Variants in CD109 observed in about 807,000 individuals in gnomAD.
CD109 encodes CD109 molecule, also known as CD109 antigen.
CD109 carries 149 observed loss-of-function variants against 165.8 expected under a neutral mutation model. The ratio of observed to expected loss-of-function variants is 0.90; its 90% CI spans 0.79 to 1.03. The LOEUF (loss-of-function observed/expected upper bound fraction) is 1.03, where lower values mean the gene tolerates loss of function less well. CD109 is among the 50% of genes least tolerant of loss of function. CD109 has a pLI of 0.00. For synonymous variants in CD109, 585 were observed against 592.1 expected (o/e 0.99, Z 0.18); for missense variants, 1,712 against 1,677.8 (o/e 1.02, Z -0.36).
intron 11 of CD109, 134 bp from the exon 12 acceptor site, chr6:73,766,625 T>C (rs1346422383): frequency 3.2e-6 from 2 of 629,566 alleles, no homozygotes; most frequent in South Asian, 2.0e-5. Context: ...ATCCAATGTC[T>C]GGTGAATGTA....
In CD109 at chr6:73,815,215, G is replaced by A; in HGVS notation, c.3911+92G>A. 4 of 1,060,006 alleles carry A rather than the reference G, an allele frequency of 3.8e-6. No individual in the cohort carries two copies. The South Asian group carries it at 7.2e-5, about 19-fold the overall frequency. The allele number at this position is 1,060,006 out of a possible 1,614,324, so 65.7% of individuals were successfully genotyped here. A position where few individuals can be genotyped will look rare whatever the true frequency, so the allele number is the denominator to read the frequency against. On this transcript the variant is annotated intron_variant, in intron 30 of 32. Coordinates refer to ENST00000287097, the MANE Select transcript of CD109 (RefSeq NM_133493.5). ...TATAGTTGTCTATATCAATCTAAGA[G>A]TTATATTGAACAAAGAATTCAGTTA...
At position 73,765,936 on chromosome 6, in the gene CD109, G is replaced by C. The variant is rs762857806; in HGVS notation, c.1114G>C (p.Val372Leu). 1 of 1,611,254 alleles carries C rather than the reference G, an allele frequency of 6.2e-7. No homozygotes were observed. The highest frequency in any genetic ancestry group is 1.1e-5 in the South Asian group (1 of 90,784). ...PSLNFTATVKVTRADGNQLTL... is the reference protein window; with the variant it reads ...PSLNFTATVKLTRADGNQLTL... Reference sequence around the variant, plus strand: ...GTTTTGTTTTGACCATTAGGTGAAGGTAACTCGTGCTGATGGCAACCAACT... The same window carrying C: ...GTTTTGTTTTGACCATTAGGTGAAGCTAACTCGTGCTGATGGCAACCAACT... Residue 372 changes from valine (V) to leucine (L), a missense_variant, in exon 11 of 33, where the codon GTA (valine) becomes CTA (leucine). Val to Leu is a conservative substitution (Grantham distance 32). Transcript: ENST00000287097.
At chr6:73,820,352 C>A in intron 31 of CD109, 109 bp from the exon 32 acceptor site, 1 of 591,804 alleles carries the variant, frequency 1.7e-6, no homozygotes, top group Non-Finnish European at 3.0e-6. Flanking sequence ...AGAAATCCTC[C>A]CTAAGTGTTA....
In CD109 at chr6:73,768,038, T is replaced by C. The variant is rs761162813; in HGVS notation, c.1498-17T>C. The C allele has an allele frequency of 6.2e-7, 1 of 1,604,924 alleles. No individual in the cohort carries two copies. The highest frequency in any genetic ancestry group is 8.5e-7 in the Non-Finnish European group (1 of 1,173,650). ...TAGGTTTGGCAATAAATTAAACCCA[T>C]CTACTGTTCTTTTCAGGTAGTATCC... On this transcript the variant is annotated splice_polypyrimidine_tract_variant and intron_variant, in intron 13 of 32. Transcript: ENST00000287097.
At chr6:73,798,110 G>GTTTTTTT (rs57382539) in intron 23 of CD109, among the ~76,000 whole-genome samples, 13 of 142,514 alleles carry the variant, frequency 9.1e-5, no homozygotes, top group Non-Finnish European at 4.5e-5. Context: ...TCAGTGTCCT[G>GTTTTTTT]TTTTTTTTTT....
At chr6:73,814,739 T>C (rs1193007346) in intron 29 of CD109, among the ~76,000 whole-genome samples, 3 of 152,192 alleles carry the variant, frequency 2.0e-5, no homozygotes, top group African/African-American at 7.2e-5. Flanking sequence ...TAGTGTTTTA[T>C]TGTACTTGTT....
chr6:73,808,062 A>G lies in CD109; in HGVS notation c.3190-21A>G, dbSNP rs1371965468. 6 of 1,609,088 alleles carry G rather than the reference A, an allele frequency of 3.7e-6. No individual in the cohort carries two copies. The South Asian group carries it at 6.6e-5, about 18-fold the overall frequency. Reference sequence around the variant, plus strand: ...AATGGGTTACTCTGAATAGTAAAAAACATACTTTTTTTCTTCCAAGCCTAA... The same window carrying G: ...AATGGGTTACTCTGAATAGTAAAAAGCATACTTTTTTTCTTCCAAGCCTAA... On this transcript the variant is annotated intron_variant, in intron 25 of 32. Coordinates refer to ENST00000287097, the MANE Select transcript of CD109 (RefSeq NM_133493.5).
rs750794050 is a variant in CD109 at position 73,802,255 on chromosome 6, A to ATGTG, written c.2879-964_2879-963insGTGT. Reference sequence around the variant, plus strand: ...TTCATTGCCACCACTGAGCATGTGTATATGTGTGTGTGTGTGTGTGTGTGT... The same window carrying ATGTG: ...TTCATTGCCACCACTGAGCATGTGTATGTGTATGTGTGTGTGTGTGTGTGTGTGT... On this transcript the variant is annotated intron_variant, in intron 23 of 32. Transcript: ENST00000287097. Among the ~76,000 whole-genome samples the ATGTG allele has an allele frequency of 3.3e-3, 384 of 118,002 alleles. 5 individuals are homozygous for ATGTG. The highest frequency in any genetic ancestry group is 0.012 in the African/African-American group (335 of 28,004). The allele number at this position is 118,002 out of a possible 152,430, so 77.4% of individuals were successfully genotyped here. A position where few individuals can be genotyped will look rare whatever the true frequency, so the allele number is the denominator to read the frequency against.
At chr6:73,689,688 CTT>C in the CD109 span, among the ~76,000 whole-genome samples, 77 of 152,100 alleles carry the variant, frequency 5.1e-4, no homozygotes, top group African/African-American at 1.8e-3. Context: ...CTTCATCCCT[CTT>C]TGACTTTGTA....
chr6:73,784,934 G>T (rs1332180045), intron 19 of CD109, among the ~76,000 whole-genome samples: 2 of 152,198 alleles, frequency 1.3e-5, no homozygotes, highest in Non-Finnish European at 2.9e-5. Flanking sequence ...AGTCAATACA[G>T]CATGAAAGAA....
chr6:73,697,722 A>G (rs1339257003), intron 2 of CD109, 150 bp downstream of exon 2: 1 of 590,682 alleles, frequency 1.7e-6, no homozygotes, highest in Non-Finnish European at 2.8e-6. Context: ...AAAGTCCTAG[A>G]TGGTGTTCCT....
At chr6:73,782,505 A>T in intron 17 of CD109, 109 bp from the exon 18 acceptor site, 1 of 1,058,060 alleles carries the variant, frequency 9.5e-7, no homozygotes, top group Non-Finnish European at 1.4e-6. Context: ...TCACTGGCAC[A>T]TTATGTCTCT....
intron 5 of CD109, among the ~76,000 whole-genome samples, chr6:73,737,364 C>T (rs1772584890): frequency 6.6e-6 from 1 of 152,176 alleles, no homozygotes; most frequent in Non-Finnish European, 1.5e-5. Flanking sequence ...GCTGGAGGCA[C>T]AATGGACTCT....
rs145202540 is a variant in CD109, at chr6:73,781,136, C to T, written c.1903-123C>T. ...GAGACAGAAAGGTTGAATGTATGTG[C>T]ATGTGTATACCTAAGCTCTCAAAAA... On this transcript the variant is annotated intron_variant, in intron 16 of 32. Transcript: ENST00000287097. 68 of 672,380 alleles carry T rather than the reference C, an allele frequency of 1.0e-4. 1 individual carries two copies. The Middle Eastern group carries it at 1.8e-3, about 17-fold the overall frequency. 41.7% of individuals were successfully genotyped at this position (672,380 alleles called of 1,614,324 possible).
chr6:73,763,230 T>G (rs1773703191), intron 9 of CD109, among the ~76,000 whole-genome samples: 1 of 152,240 alleles, frequency 6.6e-6, no homozygotes. Context: ...CAGTTTTCAC[T>G]TTTAATAAGA....
At chr6:73,775,468 TTTC>T (rs1774208428) in intron 15 of CD109, among the ~76,000 whole-genome samples, 1 of 152,140 alleles carries the variant, frequency 6.6e-6, no homozygotes, top group South Asian at 2.1e-4. Flanking sequence ...ATATTCCCAT[TTTC>T]TTCTTCCTTT....
intron 29 of CD109, among the ~76,000 whole-genome samples, chr6:73,812,548 C>T (rs1034442971): frequency 1.3e-5 from 2 of 152,000 alleles, no homozygotes; most frequent in East Asian, 1.9e-4. Context: ...AATATGATTC[C>T]TGATAACAAA....
chr6:73,804,704 A>G (rs1775503000), intron 24 of CD109, among the ~76,000 whole-genome samples: 1 of 152,206 alleles, frequency 6.6e-6, no homozygotes, highest in Non-Finnish European at 1.5e-5. Context: ...GAAGTACTAC[A>G]GTTTGCTTGT....
At chr6:73,806,771 T>A in intron 24 of CD109, 73 bp from the exon 25 acceptor site, 3 of 1,014,700 alleles carry the variant, frequency 3.0e-6, no homozygotes, top group East Asian at 5.1e-5. Flanking sequence ...AGTGTTGTTG[T>A]TTTGCTTGCT....
Sources: gnomAD v4.1 joint callset for allele counts (sites outside exome capture counted in the v4.1 genomes callset) on GRCh38, gnomAD v4.1.1 for gene constraint, MANE v1.5 for transcripts, NCBI Gene and HGNC (gene_info 2026-07-23, HGNC 2026-07-21) for gene names.